ZFAND6: variants seen among roughly 807,000 people sequenced by gnomAD.
ZFAND6 encodes the protein AN1-type zinc finger protein 6.
A neutral mutation model predicts 24.5 loss-of-function variants in ZFAND6; 12 were observed. That is an observed-to-expected ratio of 0.49 (90% CI 0.31 to 0.79). ZFAND6 has a LOEUF of 0.79. Ranked by LOEUF, ZFAND6 falls within the 30% of genes least tolerant of loss-of-function variation. The pLI, the probability that ZFAND6 is intolerant of heterozygous loss-of-function variation, is 0.04. For synonymous variants in ZFAND6, 92 were observed against 81.5 expected, an observed-to-expected ratio of 1.13 and a Z score of -0.69; for missense variants, 207 against 245.9, an observed-to-expected ratio of 0.84 and a Z score of 1.06.
chr15:80,077,550 G>C (rs1401804891), intron 1 of ZFAND6, among the ~76,000 whole-genome samples: 5 of 152,074 alleles, frequency 3.3e-5, no homozygotes, highest in Non-Finnish European at 7.4e-5. Flanking sequence ...TCAAATTGAT[G>C]AAACTTTTGA....
At chr15:80,098,361 T>C (rs2038852810) in intron 1 of ZFAND6, 55 bp from the exon 2 acceptor site, 1 of 152,240 alleles carries the variant, frequency 6.6e-6, no homozygotes, top group Admixed American at 6.5e-5. Flanking sequence ...GTGGTTAAAA[T>C]GTGGTACGTA....
intron 2 of ZFAND6, among the ~76,000 whole-genome samples, chr15:80,113,190 A>G (rs2039697095): frequency 2.0e-5 from 3 of 152,230 alleles, no homozygotes; most frequent in Non-Finnish European, 4.4e-5. Flanking sequence ...TCAGATAACT[A>G]AAATTGAAGG....
chr15:80,087,670 A>T (rs555477748), intron 1 of ZFAND6, among the ~76,000 whole-genome samples: 2 of 152,306 alleles, frequency 1.3e-5, no homozygotes, highest in Middle Eastern at 3.4e-3. Flanking sequence ...AGAGGAAATC[A>T]TATAGTTTTG....
intron 5 of ZFAND6, among the ~76,000 whole-genome samples, chr15:80,128,185 AT>A (rs1386488391): frequency 1.3e-5 from 2 of 152,230 alleles, no homozygotes; most frequent in Admixed American, 6.5e-5. Context: ...GTGGGGAGTA[AT>A]TGCTAATGAG....
chr15:80,090,935 A>G (rs2038320139), intron 1 of ZFAND6, among the ~76,000 whole-genome samples: 1 of 152,224 alleles, frequency 6.6e-6, no homozygotes, highest in Non-Finnish European at 1.5e-5. Flanking sequence ...ATTTGGAAGT[A>G]GCACAAAAAT....
intron 2 of ZFAND6, among the ~76,000 whole-genome samples, chr15:80,118,773 A>T (rs981031474): frequency 2.6e-5 from 4 of 151,486 alleles, no homozygotes; most frequent in South Asian, 2.1e-4. Flanking sequence ...TTTTTTTTTT[A>T]AAGGCAGCTG....
intron 2 of ZFAND6, among the ~76,000 whole-genome samples, chr15:80,102,940 G>C (rs535374186): frequency 6.6e-6 from 1 of 152,340 alleles, no homozygotes; most frequent in South Asian, 2.1e-4. Flanking sequence ...AAAATCATAT[G>C]TAATTGAATT....
chr15:80,082,287 G>C (rs867912578), intron 1 of ZFAND6, among the ~76,000 whole-genome samples: 1 of 152,134 alleles, frequency 6.6e-6, no homozygotes, highest in Non-Finnish European at 1.5e-5. Context: ...TTAACTTTAA[G>C]TTCTCACAAT....
intron 1 of ZFAND6, among the ~76,000 whole-genome samples, chr15:80,084,474 C>T (rs1238391680): frequency 6.6e-6 from 1 of 152,146 alleles, no homozygotes; most frequent in African/African-American, 2.4e-5. Flanking sequence ...TAACTGAGGC[C>T]TAACTGGCCA....
intron 2 of ZFAND6, among the ~76,000 whole-genome samples, chr15:80,103,525 A>G (rs893342599): frequency 1.3e-5 from 2 of 152,208 alleles, no homozygotes; most frequent in African/African-American, 2.4e-5. Context: ...GGTATAGTAT[A>G]TCAGCCCGAC....
chr15:80,121,599 A>G (rs2040148975), intron 3 of ZFAND6, 113 bp from the exon 4 acceptor site: 2 of 728,246 alleles, frequency 2.7e-6, no homozygotes, highest in South Asian at 6.9e-5. Flanking sequence ...ACTACATATT[A>G]AAAGAAAACC....
intron 1 of ZFAND6, among the ~76,000 whole-genome samples, chr15:80,075,492 GT>G (rs1352049358): frequency 1.3e-5 from 2 of 151,976 alleles, no homozygotes; most frequent in Non-Finnish European, 2.9e-5. Context: ...GTGGAAAGTA[GT>G]TTTCTACAAG....
chr15:80,125,500 TG>T (rs1288499083), intron 5 of ZFAND6, among the ~76,000 whole-genome samples: 1 of 152,246 alleles, frequency 6.6e-6, no homozygotes, highest in African/African-American at 2.4e-5. Context: ...GCCACCAGGT[TG>T]GTGGTACTGC....
At position 80,121,750 on chromosome 15, in the gene ZFAND6, C is replaced by G; in HGVS notation, c.193C>G (p.Gln65Glu). Residue 65 changes from glutamine to glutamate, a missense_variant, in exon 4 of 7, where the codon CAA becomes GAA. Transcript: ENST00000261749. ...VSSLSESLPV[Q>E]CTDGSVPEAQ... Reference sequence around the variant, plus strand: ...TAGTCTGTCTGAATCTTTACCAGTTCAATGCACAGATGGCAGTGTGCCAGA... The same window carrying G: ...TAGTCTGTCTGAATCTTTACCAGTTGAATGCACAGATGGCAGTGTGCCAGA... The G allele has an allele frequency of 6.2e-7, 1 of 1,613,884 alleles. No individual in the cohort carries two copies. The highest frequency in any genetic ancestry group is 1.3e-5 in the African/African-American group (1 of 75,018).
chr15:80,129,194 A>C (rs1371893752), intron 5 of ZFAND6, among the ~76,000 whole-genome samples: 2 of 152,232 alleles, frequency 1.3e-5, no homozygotes, highest in Admixed American at 6.5e-5. Context: ...TGGAGCTTAC[A>C]TTCTAGGGAT....
chr15:80,076,329 G>A (rs1234381873), intron 1 of ZFAND6, among the ~76,000 whole-genome samples: 1 of 151,766 alleles, frequency 6.6e-6, no homozygotes, highest in Non-Finnish European at 1.5e-5. Flanking sequence ...TTCATCACCA[G>A]TTAGCCACAA....
At chr15:80,123,875 A>G (rs532120960) in intron 5 of ZFAND6, among the ~76,000 whole-genome samples, 1 of 152,316 alleles carries the variant, frequency 6.6e-6, no homozygotes, top group South Asian at 2.1e-4. Flanking sequence ...ATTCCCCCAC[A>G]CCCGGTCTCA....
intron 2 of ZFAND6, among the ~76,000 whole-genome samples, chr15:80,108,695 C>T (rs2039458283): frequency 6.6e-6 from 1 of 151,896 alleles, no homozygotes; most frequent in African/African-American, 2.4e-5. Flanking sequence ...AAAAGATGCC[C>T]AAAAGCTTGG....
chr15:80,065,042 C>G (rs1281470344), intron 1 of ZFAND6, among the ~76,000 whole-genome samples: 6 of 135,638 alleles, frequency 4.4e-5, no homozygotes, highest in Non-Finnish European at 9.4e-5. Context: ...AAAAAACAGG[C>G]AAGGGTTTTT....
Sources: allele counts gnomAD v4.1 joint callset (sites outside exome capture counted in the v4.1 genomes callset), GRCh38; gene constraint gnomAD v4.1.1; transcripts MANE v1.5; gene names NCBI Gene and HGNC (gene_info 2026-07-23, HGNC 2026-07-21).